The following POFUT1 variants were observed in gnomAD, a reference collection of about 807,000 sequenced individuals.
POFUT1 encodes the protein protein O-fucosyltransferase 1, also known as GDP-fucose protein O-fucosyltransferase 1.
A neutral mutation model predicts 42.4 loss-of-function variants in POFUT1; 16 were observed. That is an observed-to-expected ratio of 0.38 (90% CI 0.26 to 0.57). The LOEUF is 0.57. Ranked by LOEUF, POFUT1 falls within the 20% of genes least tolerant of loss-of-function variation. POFUT1 has a pLI of 0.71. For synonymous variants in POFUT1, 206 were observed against 205.4 expected (o/e 1.00, Z -0.03); for missense variants, 470 against 504.6 (o/e 0.93, Z 0.66).
chr20:32,221,685 C>T (rs1160687913), intron 4 of POFUT1, among the ~76,000 whole-genome samples: 1 of 151,538 alleles, frequency 6.6e-6, no homozygotes, highest in East Asian at 1.9e-4. Flanking sequence ...CACTGCACTA[C>T]AGCCTGGGCA....
chr20:32,217,419 T>C, intron 4 of POFUT1: 1 of 1,023,278 alleles, frequency 9.8e-7, no homozygotes. Flanking sequence ...TACTAATTCA[T>C]GTGCGGTCAA....
chr20:32,234,765 C>T lies in POFUT1; in HGVS notation c.*104C>T. 3.1e-6 allele frequency: 3 copies of T among 972,814 alleles called. No individual in the cohort carries two copies. Among genetic ancestry groups the T allele is most frequent in the Non-Finnish European group, 4.5e-6 (3 of 661,492 alleles). The allele number at this position is 972,814 out of a possible 1,614,324, so 60.3% of individuals were successfully genotyped here. A position where few individuals can be genotyped will look rare whatever the true frequency, so the allele number is the denominator to read the frequency against. On this transcript the variant is annotated 3_prime_UTR_variant, in exon 7 of 7. Coordinates refer to ENST00000375749, the MANE Select transcript of POFUT1 (RefSeq NM_015352.2). ...AGAGGTGCTCCGGGATTGCAAACTC[C>T]TCTTCTCACCTGCCAAAGATGGAGA...
intron 4 of POFUT1, among the ~76,000 whole-genome samples, chr20:32,225,718 G>C (rs2047411534): frequency 6.6e-6 from 1 of 151,910 alleles, no homozygotes; most frequent in African/African-American, 2.4e-5. Context: ...TTGAACTCCT[G>C]GGCTCAAGTG....
Position 32,207,954 on chromosome 20 carries a change from G to A in POFUT1, c.13G>A (p.Ala5Thr). ...TTCCCGGGCCGACATGGGCGCCGCC[G>A]CGTGGGCACGGCCGCTGAGCGTGTC... MGAA[A>T]WARPLSVSFL... The change falls in exon 1 of 7, where the codon GCG becomes ACG. Residue 5 changes from alanine to threonine, a missense_variant. Ala to Thr is a moderately conservative substitution (Grantham distance 58). Coordinates refer to ENST00000375749, the MANE Select transcript of POFUT1 (RefSeq NM_015352.2). 6.3e-7 allele frequency: 1 copy of A among 1,589,104 alleles called. No homozygotes were observed. The highest frequency in any genetic ancestry group is 2.3e-5 in the East Asian group (1 of 44,030).
In POFUT1 at chr20:32,217,151, CCT is replaced by C; in HGVS notation, c.542+431_542+432del. ...GTTTATTAATTGCACCCCATTAGCC[CCT>C]GTTTTTAAAAAATATAGGTTAGCAG... On this transcript the variant is annotated intron_variant, in intron 4 of 6. Transcript: ENST00000375749. 3.9e-6 allele frequency: 6 copies of C among 1,543,164 alleles called. No homozygotes were observed. In the South Asian group the frequency reaches 6.0e-5, roughly 15 times the overall value.
At chr20:32,215,192 A>G (rs1228539230) in intron 2 of POFUT1, 77 bp from the exon 3 acceptor site, 2 of 1,149,408 alleles carry the variant, frequency 1.7e-6, no homozygotes, top group African/African-American at 3.1e-5. Flanking sequence ...CCTGGCCTGG[A>G]GTGTATTGTT....
intron 3 of POFUT1, among the ~76,000 whole-genome samples, chr20:32,216,225 G>A (rs559451524): frequency 2.0e-5 from 3 of 152,234 alleles, no homozygotes; most frequent in Non-Finnish European, 4.4e-5. Flanking sequence ...CCTTGGGTAA[G>A]TGTCTGACCC....
chr20:32,228,152 C>T, intron 4 of POFUT1, 111 bp from the exon 5 acceptor site: 1 of 754,950 alleles, frequency 1.3e-6, no homozygotes, highest in Non-Finnish European at 2.1e-6. Context: ...GTTGCAGGGG[C>T]CCCTCCGCAG....
Position 32,215,386 on chromosome 20 carries a change from CG to C in POFUT1, c.367del (p.Val123TrpfsTer20). The C allele has an allele frequency of 6.2e-7, 1 of 1,613,996 alleles. No homozygotes were observed. The highest frequency in any genetic ancestry group is 8.5e-7 in the Non-Finnish European group (1 of 1,179,940). ...LAPTHWPPEK[R>X]VAYCFEVAAQ... Reference sequence around the variant, plus strand: ...ACCCACCCACTGGCCCCCTGAGAAGCGGGTGGCATACTGCTTTGAGGTGGCA... The same window carrying C: ...ACCCACCCACTGGCCCCCTGAGAAGCGGTGGCATACTGCTTTGAGGTGGCA... On this transcript the variant is annotated frameshift_variant, in exon 3 of 7. Transcript: ENST00000375749. LOFTEE classifies it high-confidence loss of function.
chr20:32,233,692 C>G (rs947708710), intron 6 of POFUT1, among the ~76,000 whole-genome samples: 64 of 152,100 alleles, frequency 4.2e-4, no homozygotes, highest in African/African-American at 1.4e-3. Context: ...GGCCCTCCCT[C>G]AAGAGAAGGG....
At chr20:32,223,442 C>T in intron 4 of POFUT1, 9 of 985,426 alleles carry the variant, frequency 9.1e-6, no homozygotes, top group Non-Finnish European at 1.1e-5. Context: ...AGGGGACACA[C>T]ATTCCAAGTC....
chr20:32,238,644 C>T lies in POFUT1; in HGVS notation c.*3983C>T, dbSNP rs1378213750. The T allele has an allele frequency of 1.3e-5, 2 of 152,108 alleles. No homozygotes were observed. The highest frequency in any genetic ancestry group is 2.9e-5 in the Non-Finnish European group (2 of 68,032). The allele number at this position is 152,108 out of a possible 1,614,324, so 9.4% of individuals were successfully genotyped here. ...AATTGTGAGTAATAAAATGAACTCACAGTTTCAACAATGACCCACATTTTA... is the reference window on the plus strand; with the variant it reads ...AATTGTGAGTAATAAAATGAACTCATAGTTTCAACAATGACCCACATTTTA... On this transcript the variant is annotated 3_prime_UTR_variant, in exon 7 of 7. Coordinates refer to ENST00000375749, the MANE Select transcript of POFUT1 (RefSeq NM_015352.2).
At chr20:32,222,443 C>T (rs985374567) in intron 4 of POFUT1, among the ~76,000 whole-genome samples, 1 of 152,202 alleles carries the variant, frequency 6.6e-6, no homozygotes, top group African/African-American at 2.4e-5. Flanking sequence ...TGCGAAAGGG[C>T]ATGTCCTCCC....
chr20:32,211,928 T>G (rs527928831), intron 2 of POFUT1, among the ~76,000 whole-genome samples: 4 of 152,188 alleles, frequency 2.6e-5, no homozygotes, highest in Non-Finnish European at 5.9e-5. Flanking sequence ...GGGGCTCCTT[T>G]CTCTCCACCC....
At chr20:32,215,833 A>G (rs2047357122) in intron 3 of POFUT1, among the ~76,000 whole-genome samples, 1 of 152,204 alleles carries the variant, frequency 6.6e-6, no homozygotes, top group African/African-American at 2.4e-5. Flanking sequence ...CAACTCATTT[A>G]ATACTCACAC....
At chr20:32,215,811 C>G (rs538517989) in intron 3 of POFUT1, among the ~76,000 whole-genome samples, 7 of 152,292 alleles carry the variant, frequency 4.6e-5, no homozygotes, top group Admixed American at 1.3e-4. Flanking sequence ...ACGCTAAGAG[C>G]TTTACATGTA....
At chr20:32,229,085 C>T (rs960524677) in intron 5 of POFUT1, among the ~76,000 whole-genome samples, 1 of 152,158 alleles carries the variant, frequency 6.6e-6, no homozygotes, top group African/African-American at 2.4e-5. Context: ...TCTCCTCTTT[C>T]CCCCAGCCCC....
chr20:32,221,488 T>C (rs1287618209), intron 4 of POFUT1, among the ~76,000 whole-genome samples: 1 of 151,888 alleles, frequency 6.6e-6, no homozygotes, highest in East Asian at 1.9e-4. Flanking sequence ...TTGAGGCAGG[T>C]GATCGCTTGA....
intron 6 of POFUT1, among the ~76,000 whole-genome samples, chr20:32,232,338 A>T (rs185383961): frequency 1.6e-3 from 238 of 152,182 alleles, no homozygotes; most frequent in Admixed American, 3.3e-3. Flanking sequence ...AAAGAAAAGC[A>T]GAAGAAAAAT....
Sources: allele counts gnomAD v4.1 joint callset (sites outside exome capture counted in the v4.1 genomes callset), GRCh38; gene constraint gnomAD v4.1.1; transcripts MANE v1.5; gene names NCBI Gene and HGNC (gene_info 2026-07-23, HGNC 2026-07-21).